The following EPHA7 variants were observed in gnomAD, a reference collection of about 807,000 sequenced individuals.
The protein encoded by EPHA7 is EPH receptor A7.
Under a neutral mutation model 112.6 loss-of-function variants are expected in EPHA7, and 25 were observed. The observed-to-expected ratio is 0.22, with a 90% CI of 0.16 to 0.31. The LOEUF is 0.31. EPHA7 is among the 10% of genes least tolerant of loss of function. EPHA7 has a pLI of 1.00. For missense variants in EPHA7, 962 were observed against 1,212.6 expected (o/e 0.79, Z 3.07); for synonymous variants, 437 against 406.5 (o/e 1.07, Z -0.90).
rs200990878 is a variant in EPHA7, at chr6:93,406,064, G to C, written c.832+4437C>G. Reference sequence around the variant, plus strand: ...ATTATATATTATTAAAATAATGATAGACCTCTTAACATTAACAGAAACTAT... The same window carrying C: ...ATTATATATTATTAAAATAATGATACACCTCTTAACATTAACAGAAACTAT... On this transcript the variant is annotated intron_variant, in intron 3 of 16. Coordinates refer to ENST00000369303, the MANE Select transcript of EPHA7 (RefSeq NM_004440.4). 2.7e-5 allele frequency among the ~76,000 whole-genome samples: 4 copies of C among 150,226 alleles called. No homozygotes were observed. The East Asian group carries it at 7.8e-4, about 29-fold the overall frequency.
At chr6:93,271,290 AC>A (rs142587975) in intron 6 of EPHA7, among the ~76,000 whole-genome samples, 8,897 of 151,918 alleles carry the variant, frequency 0.059, 394 homozygotes, top group Non-Finnish European at 0.092. Flanking sequence ...CTTTAAAAAA[AC>A]AAAGGTATCT....
chr6:93,311,114 A>ATTTTTTTTTTTTTTTTTTT lies in EPHA7; in HGVS notation c.1325-38711_1325-38693dup, dbSNP rs71542009. Among the ~76,000 whole-genome samples the ATTTTTTTTTTTTTTTTTTT allele has an allele frequency of 9.6e-4, 75 of 78,496 alleles. 11 individuals carry two copies. The highest frequency in any genetic ancestry group is 8.8e-3 in the Middle Eastern group (1 of 114). The allele number at this position is 78,496 out of a possible 152,430, so 51.5% of individuals were successfully genotyped here. A position where few individuals can be genotyped will look rare whatever the true frequency, so the allele number is the denominator to read the frequency against. On this transcript the variant is annotated intron_variant, in intron 5 of 16. Transcript: ENST00000369303. Reference sequence around the variant, plus strand: ...ACAGGCATGTGCATCATGCCCAGCTATTTTTTTTTTTTTTTTTTTTTTTTT... The same window carrying ATTTTTTTTTTTTTTTTTTT: ...ACAGGCATGTGCATCATGCCCAGCTATTTTTTTTTTTTTTTTTTTTTTTTTTTTTTTTTTTTTTTTTTTT...
intron 5 of EPHA7, among the ~76,000 whole-genome samples, chr6:93,273,314 G>A (rs1233292929): frequency 2.0e-5 from 3 of 151,710 alleles, no homozygotes. Context: ...ATTTCAGTGG[G>A]GTCATTATGT....
intron 5 of EPHA7, among the ~76,000 whole-genome samples, chr6:93,274,283 C>A (rs1159692035): frequency 1.3e-5 from 2 of 151,764 alleles, no homozygotes; most frequent in Non-Finnish European, 2.9e-5. Flanking sequence ...ATAAAAGAGG[C>A]AGGAGACTCT....
intron 13 of EPHA7, among the ~76,000 whole-genome samples, chr6:93,255,241 G>A (rs529416551): frequency 3.6e-4 from 54 of 152,030 alleles, no homozygotes; most frequent in Admixed American, 6.6e-4. Context: ...CTAGCTACTC[G>A]GAAGGCTGAG....
rs147556353 is a variant in EPHA7, at chr6:93,365,234, T to C, written c.833-6823A>G. Among the ~76,000 whole-genome samples the C allele has an allele frequency of 9.2e-5, 14 of 152,318 alleles. No homozygotes were observed. In the East Asian group the frequency reaches 2.7e-3, roughly 29 times the overall value. On this transcript the variant is annotated intron_variant, in intron 3 of 16. Transcript: ENST00000369303. Reference sequence around the variant, plus strand: ...GTTGCTGGCCACAGTTATGCAGCTGTAAAGAGTTTATTAATTATGAACTGT... The same window carrying C: ...GTTGCTGGCCACAGTTATGCAGCTGCAAAGAGTTTATTAATTATGAACTGT...
chr6:93,342,862 C>T (rs1001368783), intron 5 of EPHA7, among the ~76,000 whole-genome samples: 6 of 151,624 alleles, frequency 4.0e-5, no homozygotes. Context: ...CATTTGCCTA[C>T]TCTAACTAAT....
intron 15 of EPHA7, among the ~76,000 whole-genome samples, chr6:93,245,921 G>A (rs1769925284): frequency 6.6e-6 from 1 of 152,130 alleles, no homozygotes; most frequent in African/African-American, 2.4e-5. Context: ...GTAAACCAGA[G>A]CATCAATCTT....
At chr6:93,370,643 T>C (rs1776742193) in intron 3 of EPHA7, among the ~76,000 whole-genome samples, 1 of 152,176 alleles carries the variant, frequency 6.6e-6, no homozygotes, top group Non-Finnish European at 1.5e-5. Flanking sequence ...AATACACATA[T>C]ATATTCACAC....
At chr6:93,318,411 T>C (rs941607314) in intron 5 of EPHA7, among the ~76,000 whole-genome samples, 4 of 152,076 alleles carry the variant, frequency 2.6e-5, no homozygotes, top group Non-Finnish European at 5.9e-5. Flanking sequence ...TAATTCATTG[T>C]ATCTAAGTGC....
At chr6:93,418,708 T>C (rs1200763006) in intron 1 of EPHA7, among the ~76,000 whole-genome samples, 1 of 152,196 alleles carries the variant, frequency 6.6e-6, no homozygotes, top group Admixed American at 6.5e-5. Flanking sequence ...TCCGACGCAG[T>C]GAGCACTTCA....
intron 3 of EPHA7, among the ~76,000 whole-genome samples, chr6:93,405,267 T>G (rs1473421518): frequency 1.3e-5 from 2 of 151,886 alleles, no homozygotes; most frequent in Admixed American, 1.3e-4. Flanking sequence ...ATCATTGATA[T>G]TCTATAGAGT....
chr6:93,418,162 G>C (rs1779338841), intron 1 of EPHA7, among the ~76,000 whole-genome samples: 1 of 148,854 alleles, frequency 6.7e-6, no homozygotes, highest in South Asian at 2.3e-4. Context: ...AGACCAGGGG[G>C]GCGACGGGAT....
At chr6:93,397,317 T>G (rs561916421) in intron 3 of EPHA7, among the ~76,000 whole-genome samples, 1 of 151,872 alleles carries the variant, frequency 6.6e-6, no homozygotes, top group Non-Finnish European at 1.5e-5. Flanking sequence ...TAATTATCAA[T>G]TTTTACTTAG....
intron 5 of EPHA7, among the ~76,000 whole-genome samples, chr6:93,304,001 G>T (rs1427868989): frequency 6.6e-6 from 1 of 152,044 alleles, no homozygotes; most frequent in African/African-American, 2.4e-5. Flanking sequence ...GGAGAAAGGT[G>T]CTTTTGCATC....
At chr6:93,406,156 T>C (rs1562163258) in intron 3 of EPHA7, among the ~76,000 whole-genome samples, 1 of 151,434 alleles carries the variant, frequency 6.6e-6, no homozygotes, top group Non-Finnish European at 1.5e-5. Flanking sequence ...AATTCCCCTT[T>C]ACATGAAATC....
intron 5 of EPHA7, among the ~76,000 whole-genome samples, chr6:93,322,794 G>C (rs1774139475): frequency 6.6e-6 from 1 of 151,512 alleles, no homozygotes; most frequent in Non-Finnish European, 1.5e-5. Flanking sequence ...CCTTCCAAAA[G>C]TCACCTACAG....
chr6:93,245,569 CATA>C, intron 15 of EPHA7, 116 bp from the exon 16 acceptor site: 3 of 1,035,340 alleles, frequency 2.9e-6, no homozygotes, highest in South Asian at 1.9e-5. Flanking sequence ...AATTGGTGTA[CATA>C]ATAAAAAATA....
At chr6:93,363,308 G>A (rs1776346942) in intron 3 of EPHA7, among the ~76,000 whole-genome samples, 1 of 151,984 alleles carries the variant, frequency 6.6e-6, no homozygotes, top group South Asian at 2.1e-4. Context: ...ATAACACTGA[G>A]GAGGTAAAAT....
Sources: gnomAD v4.1 joint callset for allele counts (sites outside exome capture counted in the v4.1 genomes callset) on GRCh38, gnomAD v4.1.1 for gene constraint, MANE v1.5 for transcripts, NCBI Gene and HGNC (gene_info 2026-07-23, HGNC 2026-07-21) for gene names.